Variants in EDNRB observed in about 807,000 individuals in gnomAD.
The protein encoded by EDNRB is Hirschsprung disease 2.
A neutral mutation model predicts 46.4 loss-of-function variants in EDNRB; 18 were observed. The ratio of observed to expected loss-of-function variants is 0.39; its 90% CI spans 0.27 to 0.57. The LOEUF is 0.57. Ranked by LOEUF, EDNRB falls within the 20% of genes least tolerant of loss-of-function variation. EDNRB has a pLI of 0.61. For missense variants in EDNRB, 434 were observed against 537.5 expected, an observed-to-expected ratio of 0.81 and a Z score of 1.90; for synonymous variants, 213 against 204.9, an observed-to-expected ratio of 1.04 and a Z score of -0.34.
Position 77,899,846 on chromosome 13 carries a change from G to A in EDNRB, c.1194+13C>T. The A allele has an allele frequency of 1.3e-6, 2 of 1,596,646 alleles. No homozygotes were observed. Among genetic ancestry groups the A allele is most frequent in the South Asian group, 1.1e-5 (1 of 90,678 alleles). Reference sequence around the variant, plus strand: ...TATTACAAAGAGCTTTTTATTTTGGGATAGTCTCTTACCTTAAAGCAGTTT... The same window carrying A: ...TATTACAAAGAGCTTTTTATTTTGGAATAGTCTCTTACCTTAAAGCAGTTT... On this transcript the variant is annotated intron_variant, in intron 6 of 6. Coordinates refer to ENST00000646607, the MANE Select transcript of EDNRB (RefSeq NM_001122659.3).
intron 1 of EDNRB, among the ~76,000 whole-genome samples, chr13:77,965,031 C>A (rs1449404057): frequency 6.6e-6 from 1 of 152,136 alleles, no homozygotes; most frequent in Non-Finnish European, 1.5e-5. Context: ...TTATACTGGT[C>A]AAATATTCTT....
rs1566307607 is a variant in EDNRB, at chr13:77,903,624, CGAAGCTCTGTTAGGGGGTTTCATAAGA to C, written c.484-44_484-18del. 6.2e-7 allele frequency: 1 copy of C among 1,609,532 alleles called. No homozygotes were observed. On this transcript the variant is annotated intron_variant, in intron 1 of 6. Transcript: ENST00000646607. ...TGCCAGCAGCTGCATTGAGAAGACA[CGAAGCTCTGTTAGGGGGTTTCATAAGA>C]TGCCCTCTGAATTGTATCACTTAGT...
chr13:77,918,007 T>C lies in EDNRB; in HGVS notation c.483+84A>G, dbSNP rs1879894535. On this transcript the variant is annotated intron_variant, in intron 1 of 6. Transcript: ENST00000646607. The surrounding 1 kb of genome is among the most constrained non-coding windows in gnomAD (Gnocchi z 4.5). Reference sequence around the variant, plus strand: ...CCTTAAGAGGGAGCTAAAGGGAAGCTCCCTCTACAAGCTTTCTCATCTCCC... The same window carrying C: ...CCTTAAGAGGGAGCTAAAGGGAAGCCCCCTCTACAAGCTTTCTCATCTCCC... 1 of 1,606,096 alleles carries C rather than the reference T, an allele frequency of 6.2e-7. No homozygotes were observed. The highest frequency in any genetic ancestry group is 8.5e-7 in the Non-Finnish European group (1 of 1,175,496).
chr13:77,925,472 T>C (rs1453465739), intron 1 of EDNRB, among the ~76,000 whole-genome samples: 3 of 152,276 alleles, frequency 2.0e-5, no homozygotes, highest in African/African-American at 7.2e-5. Flanking sequence ...CACAAATAAA[T>C]GGCTAAAAGG....
At chr13:77,961,354 C>T (rs1387749790) in intron 1 of EDNRB, among the ~76,000 whole-genome samples, 1 of 151,920 alleles carries the variant, frequency 6.6e-6, no homozygotes, top group Non-Finnish European at 1.5e-5. Flanking sequence ...ACTTTCTTCT[C>T]AGCACCACGT....
chr13:77,964,417 G>T (rs1881519097), intron 1 of EDNRB, among the ~76,000 whole-genome samples: 1 of 152,118 alleles, frequency 6.6e-6, no homozygotes, highest in East Asian at 1.9e-4. Flanking sequence ...AGAAAATGTG[G>T]CACATATACA....
chr13:77,914,428 C>T (rs996239369), intron 1 of EDNRB, among the ~76,000 whole-genome samples: 3 of 152,268 alleles, frequency 2.0e-5, no homozygotes, highest in East Asian at 1.9e-4. Flanking sequence ...TACATGTACA[C>T]GTGCATATAT....
At chr13:77,959,437 G>A (rs1047973670) in intron 1 of EDNRB, among the ~76,000 whole-genome samples, 1 of 152,208 alleles carries the variant, frequency 6.6e-6, no homozygotes, top group African/African-American at 2.4e-5. Flanking sequence ...ACAGGGTCGG[G>A]AGTGGACTTC....
intron 1 of EDNRB, 36 bp from the exon 2 acceptor site, chr13:77,903,643 T>A: frequency 6.4e-7 from 1 of 1,555,716 alleles, no homozygotes; most frequent in Non-Finnish European, 8.9e-7. Flanking sequence ...GTTAGGGGGT[T>A]TCATAAGATG....
intron 1 of EDNRB, among the ~76,000 whole-genome samples, chr13:77,929,634 C>T (rs1208201443): frequency 6.6e-6 from 1 of 152,124 alleles, no homozygotes; most frequent in Admixed American, 6.6e-5. Flanking sequence ...GGTGACTATT[C>T]CAACACTTTC....
At chr13:77,973,848 T>C (rs1162532382) in intron 1 of EDNRB, among the ~76,000 whole-genome samples, 1 of 152,100 alleles carries the variant, frequency 6.6e-6, no homozygotes, top group African/African-American at 2.4e-5. Flanking sequence ...TACAAATATT[T>C]CTTTCTTTAA....
At chr13:77,919,231 G>A (rs752810899), upstream of EDNRB, 2 of 736,158 alleles carry the variant, frequency 2.7e-6, no homozygotes, top group East Asian at 2.8e-5. Context: ...CCCTCCAAAC[G>A]GCTTCAAACA....
chr13:77,937,288 C>G (rs1880596328), intron 1 of EDNRB, among the ~76,000 whole-genome samples: 1 of 152,164 alleles, frequency 6.6e-6, no homozygotes, highest in Non-Finnish European at 1.5e-5. Context: ...GGGGAATTTG[C>G]CTGATAGTTC....
chr13:77,896,565 A>C lies in EDNRB; in HGVS notation c.*1635T>G. 6.5e-7 allele frequency: 1 copy of C among 1,550,004 alleles called. No homozygotes were observed. The highest frequency in any genetic ancestry group is 8.7e-7 in the Non-Finnish European group (1 of 1,146,394). On this transcript the variant is annotated 3_prime_UTR_variant, in exon 7 of 7. Coordinates refer to ENST00000646607, the MANE Select transcript of EDNRB (RefSeq NM_001122659.3). ...TTCCAACATGTGGCCCAGCCTATTA[A>C]AAGAAAAACAAAGTAAAAATTTGGG... is the stretch of plus-strand genomic sequence containing the variant.
upstream of EDNRB, chr13:77,919,852 C>T (rs1880021792): frequency 1.9e-6 from 1 of 517,604 alleles, no homozygotes; most frequent in Admixed American, 3.2e-5. Context: ...CAGCTCCAGA[C>T]TAGAACAAGG....
At chr13:77,911,747 G>A (rs1032136975) in intron 1 of EDNRB, among the ~76,000 whole-genome samples, 2 of 151,824 alleles carry the variant, frequency 1.3e-5, no homozygotes, top group African/African-American at 4.8e-5. Context: ...GGCCCTACAG[G>A]GAAGGATAAA....
chr13:77,927,759 A>G (rs1326724208), intron 1 of EDNRB, among the ~76,000 whole-genome samples: 1 of 152,216 alleles, frequency 6.6e-6, no homozygotes, highest in Non-Finnish European at 1.5e-5. Context: ...AAATATTTGT[A>G]AGAAAAGTGT....
rs905668367 is a variant in EDNRB, at chr13:77,900,509, T to C, written c.1085+12A>G. On this transcript the variant is annotated intron_variant, in intron 5 of 6. Coordinates refer to ENST00000646607, the MANE Select transcript of EDNRB (RefSeq NM_001122659.3). ...TTTATTTACAAAACCATTTCTAGTT[T>C]GCCTTTCTTACCTCAAAAGTTCACA... 1 of 1,612,058 alleles carries C rather than the reference T, an allele frequency of 6.2e-7. No homozygotes were observed. Among genetic ancestry groups the C allele is most frequent in the African/African-American group, 1.3e-5 (1 of 74,762 alleles).
upstream of EDNRB, among the ~76,000 whole-genome samples, chr13:77,923,995 G>A (rs1032764663): frequency 6.6e-6 from 1 of 152,118 alleles, no homozygotes; most frequent in Non-Finnish European, 1.5e-5. Context: ...GCCAAAATCT[G>A]TAAAAAGTTT....
Sources: allele counts gnomAD v4.1 joint callset (sites outside exome capture counted in the v4.1 genomes callset), GRCh38; gene constraint gnomAD v4.1.1; non-coding constraint Gnocchi (gnomAD v3.1); transcripts MANE v1.5; gene names NCBI Gene and HGNC (gene_info 2026-07-23, HGNC 2026-07-21).